GATA4: variants seen among roughly 807,000 people sequenced by gnomAD.
GATA4 encodes transcription factor GATA-4.
Under a neutral mutation model 37.9 loss-of-function variants are expected in GATA4, and 7 were observed. The ratio of observed to expected loss-of-function variants is 0.18; its 90% CI spans 0.11 to 0.35. The LOEUF (loss-of-function observed/expected upper bound fraction) is 0.35, where lower values mean the gene tolerates loss of function less well. GATA4 is among the 10% of genes least tolerant of loss of function. The probability of loss-of-function intolerance (pLI) is 1.00; values close to 1 mark genes in which losing one functional copy is unlikely to be tolerated. For missense variants in GATA4, 647 were observed against 653.0 expected, an observed-to-expected ratio of 0.99 and a Z score of 0.10; for synonymous variants, 372 against 292.6, an observed-to-expected ratio of 1.27 and a Z score of -2.77.
chr8:11,703,542 G>A (rs1045084066), upstream of GATA4, among the ~76,000 whole-genome samples: 3 of 152,252 alleles, frequency 2.0e-5, no homozygotes, highest in Non-Finnish European at 4.4e-5. Flanking sequence ...GAAGAGAGGA[G>A]GCCACAGGAG....
At chr8:11,716,825 G>C (rs1463248617) in intron 2 of GATA4, among the ~76,000 whole-genome samples, 1 of 152,230 alleles carries the variant, frequency 6.6e-6, no homozygotes, top group African/African-American at 2.4e-5. Context: ...CAAATTTTAA[G>C]ACAATTTAGT....
At chr8:11,727,493 A>G (rs1370030754) in intron 2 of GATA4, among the ~76,000 whole-genome samples, 1 of 152,120 alleles carries the variant, frequency 6.6e-6, no homozygotes, top group Non-Finnish European at 1.5e-5. Flanking sequence ...GTTGATAAGG[A>G]GAGGCACTAG....
chr8:11,750,449 T>C (rs1239037923), intron 4 of GATA4, among the ~76,000 whole-genome samples: 1 of 152,234 alleles, frequency 6.6e-6, no homozygotes, highest in Non-Finnish European at 1.5e-5. Flanking sequence ...GCTACATTTA[T>C]ATGTAGCAGT....
At chr8:11,681,263 G>T in intron 1 of GATA4, 7 of 985,400 alleles carry the variant, frequency 7.1e-6, no homozygotes, top group African/African-American at 1.7e-5. Flanking sequence ...GGAGCGACTG[G>T]ATTCCCAGGC....
chr8:11,736,026 C>G (rs1801437858), intron 2 of GATA4, among the ~76,000 whole-genome samples: 1 of 152,180 alleles, frequency 6.6e-6, no homozygotes, highest in Non-Finnish European at 1.5e-5. Flanking sequence ...ATCCTCCTAC[C>G]TCAGCCTCTG....
At chr8:11,680,747 C>G (rs916543224) in intron 1 of GATA4, 1 of 985,248 alleles carries the variant, frequency 1.0e-6, no homozygotes, top group Non-Finnish European at 1.2e-6. Context: ...GAGGAGAGCC[C>G]GGCTTCTGCG....
Position 11,758,328 on chromosome 8 carries a change from C to T in GATA4, c.1185C>T (p.Pro395=), listed in dbSNP as rs1416532958. ...TCAGTGCGATGTCTGGCCATGGGCC[C>T]TCCATCCACCCTGTCCTCTCGGCCC... The part of the protein sequence containing the change: ...FSVSAMSGHG[P]SIHPVLSALK... Residue 395 remains proline, a synonymous_variant, in exon 7 of 7, where the codon CCC becomes CCT. Transcript: ENST00000532059. 1 of 1,614,038 alleles carries T rather than the reference C, an allele frequency of 6.2e-7. No individual in the cohort carries two copies. The highest frequency in any genetic ancestry group is 8.5e-7 in the Non-Finnish European group (1 of 1,180,038).
rs1800008148 is a variant in GATA4 at position 11,708,593 on chromosome 8, C to T, written c.281C>T (p.Ala94Val). The T allele has an allele frequency of 1.8e-5, 25 of 1,356,922 alleles. No individual in the cohort carries two copies. The highest frequency in any genetic ancestry group is 2.3e-5 in the Non-Finnish European group (24 of 1,057,866). 84.1% of individuals were successfully genotyped at this position (1,356,922 alleles called of 1,614,324 possible). ...AGCCCGGGATGGAGCCAGGCGGGAGCCGACGGAGCCGCTTACACCCCGCCG... is the reference window on the plus strand; with the variant it reads ...AGCCCGGGATGGAGCCAGGCGGGAGTCGACGGAGCCGCTTACACCCCGCCG... ...QGSPGWSQAG[A>V]DGAAYTPPPV... is the part of the protein sequence containing the mutation. Residue 94 changes from alanine (A) to valine (V), a missense_variant, in exon 2 of 7, where the codon GCC becomes GTC. Ala to Val is a moderately conservative substitution (Grantham distance 64, BLOSUM62 0). This residue lies in a region of GATA4 where 379 missense variants were observed against 334.5 expected (regional missense o/e 1.13). Coordinates refer to ENST00000532059, the MANE Select transcript of GATA4 (RefSeq NM_001308093.3). This position sits in a 1 kb window ranked among gnomAD's most constrained non-coding sequence, Gnocchi z 6.7.
chr8:11,713,809 G>A (rs1421634754), intron 2 of GATA4, among the ~76,000 whole-genome samples: 1 of 152,208 alleles, frequency 6.6e-6, no homozygotes, highest in Non-Finnish European at 1.5e-5. Flanking sequence ...CACTTGTGGT[G>A]GAGCTCTGCG....
At chr8:11,697,096 G>C (rs1799530365) in intron 1 of GATA4, among the ~76,000 whole-genome samples, 1 of 152,218 alleles carries the variant, frequency 6.6e-6, no homozygotes, top group Non-Finnish European at 1.5e-5. Flanking sequence ...GGTGCGGAGG[G>C]CTCCATTTCA....
rs1402881646 is a variant in GATA4, at chr8:11,748,931, ACTT to A, written c.635_637del (p.Phe212del). On this transcript the variant is annotated inframe_deletion, in exon 3 of 7. Transcript: ENST00000532059. ...CCCAACTCAGTAGATATGTTTGACGACTTCTCAGAAGGCAGAGAGTGTGTCAAC... is the reference window on the plus strand; with the variant it reads ...CCCAACTCAGTAGATATGTTTGACGACTCAGAAGGCAGAGAGTGTGTCAAC... 1 of 1,614,196 alleles carries A rather than the reference ACTT, an allele frequency of 6.2e-7. No homozygotes were observed. The highest frequency in any genetic ancestry group is 1.7e-5 in the Admixed American group (1 of 60,030).
chr8:11,723,243 G>A (rs1008674669), intron 2 of GATA4, among the ~76,000 whole-genome samples: 1 of 151,986 alleles, frequency 6.6e-6, no homozygotes, highest in Non-Finnish European at 1.5e-5. Context: ...TGTAGTCCCA[G>A]ATACTTGGGA....
At chr8:11,701,359 G>C (rs1029501281), upstream of GATA4, among the ~76,000 whole-genome samples, 1 of 152,024 alleles carries the variant, frequency 6.6e-6, no homozygotes, top group African/African-American at 2.4e-5. Context: ...GTCTACCCAG[G>C]CCAGCCCAGG....
chr8:11,740,757 A>G lies in GATA4; in HGVS notation c.617-8159A>G, dbSNP rs540538943. On this transcript the variant is annotated intron_variant, in intron 2 of 6. Transcript: ENST00000532059. Reference sequence around the variant, plus strand: ...CTTTTCCGTTTTTTTTTTTGGAGACACGGTCTCACTCTGTCGCCCAGACTG... The same window carrying G: ...CTTTTCCGTTTTTTTTTTTGGAGACGCGGTCTCACTCTGTCGCCCAGACTG... Among the ~76,000 whole-genome samples the G allele has an allele frequency of 2.0e-5, 3 of 150,278 alleles. No homozygotes were observed. The South Asian group carries it at 6.3e-4, about 32-fold the overall frequency.
At chr8:11,750,666 C>G (rs76925297) in intron 4 of GATA4, among the ~76,000 whole-genome samples, 2 of 150,674 alleles carry the variant, frequency 1.3e-5, no homozygotes, top group African/African-American at 4.9e-5. Flanking sequence ...GGCATCATGA[C>G]TCATGCCTGT....
At chr8:11,720,558 C>A (rs1800626272) in intron 2 of GATA4, among the ~76,000 whole-genome samples, 3 of 152,066 alleles carry the variant, frequency 2.0e-5, no homozygotes, top group Admixed American at 1.3e-4. Context: ...GGTATTAAGC[C>A]CCAGTACCCA....
At position 11,714,498 on chromosome 8, in the gene GATA4, C is replaced by G. The variant is rs907202941; in HGVS notation, c.616+5570C>G. Among the ~76,000 whole-genome samples, 4 of 152,278 alleles carry G rather than the reference C, an allele frequency of 2.6e-5. No homozygotes were observed. The East Asian group carries it at 5.8e-4, about 22-fold the overall frequency. ...TTTGTGAGACTGGAGAATGATTTGT[C>G]GATCTTCAGGAAAACCAAAGTTGTT... On this transcript the variant is annotated intron_variant, in intron 2 of 6. Coordinates refer to ENST00000532059, the MANE Select transcript of GATA4 (RefSeq NM_001308093.3).
At chr8:11,683,481 C>G (rs1352208279) in intron 1 of GATA4, among the ~76,000 whole-genome samples, 1 of 152,122 alleles carries the variant, frequency 6.6e-6, no homozygotes, top group Non-Finnish European at 1.5e-5. Flanking sequence ...CTCATTCAAA[C>G]TCACCCATCA....
chr8:11,732,088 C>G (rs1038659455), intron 2 of GATA4, among the ~76,000 whole-genome samples: 1 of 152,198 alleles, frequency 6.6e-6, no homozygotes, highest in Admixed American at 6.5e-5. Flanking sequence ...GCAAATCTAT[C>G]ATATTTATAA....
Sources: gnomAD v4.1 joint callset for allele counts (sites outside exome capture counted in the v4.1 genomes callset) on GRCh38, gnomAD v4.1.1 for gene constraint, gnomAD v4.1.1 regional missense constraint, Gnocchi (gnomAD v3.1) non-coding constraint, MANE v1.5 for transcripts, NCBI Gene and HGNC (gene_info 2026-07-23, HGNC 2026-07-21) for gene names.